TEX30: variants seen among roughly 807,000 people sequenced by gnomAD.
TEX30 encodes the protein testis-expressed protein 30.
In TEX30, 14 loss-of-function variants were observed where a neutral mutation model predicts 23.8. The observed-to-expected ratio is 0.59, with a 90% CI of 0.39 to 0.92. The LOEUF (loss-of-function observed/expected upper bound fraction) is 0.92. TEX30 is among the 40% of genes least tolerant of loss of function. The pLI is 0.00. For synonymous variants in TEX30, 78 were observed against 90.2 expected (o/e 0.87, Z 0.76); for missense variants, 246 against 270.6 (o/e 0.91, Z 0.64).
At chr13:102,773,607 C>G (rs1877486651) in intron 1 of TEX30, 75 bp downstream of exon 1, 1 of 152,090 alleles carries the variant, frequency 6.6e-6, no homozygotes, top group African/African-American at 2.4e-5. Context: ...CTCAGGCGGG[C>G]CTGCCGGGTG....
In TEX30 at chr13:102,767,452, CA is replaced by C; in HGVS notation, c.324del (p.Ala109LeufsTer3). On this transcript the variant is annotated frameshift_variant, in exon 5 of 6. Coordinates refer to ENST00000376032, the MANE Select transcript of TEX30 (RefSeq NM_138779.5). LOFTEE classifies it high-confidence loss of function. ...LGGRSMGSRA[A>X]ASVMCHIEPD... The stretch of plus-strand genomic sequence containing the variant: ...GGCTCAATGTGACACATTACAGAAG[CA>C]GCTGCTCTTGAGCCCATTGAACGAC... The C allele has an allele frequency of 1.2e-6, 2 of 1,614,150 alleles. No homozygotes were observed. The highest frequency in any genetic ancestry group is 1.7e-6 in the Non-Finnish European group (2 of 1,180,022).
intron 4 of TEX30, among the ~76,000 whole-genome samples, chr13:102,767,847 A>G (rs1267898737): frequency 1.3e-5 from 2 of 152,180 alleles, no homozygotes; most frequent in Non-Finnish European, 2.9e-5. Flanking sequence ...CCAGAGGTGG[A>G]GGCTGCAGTG....
chr13:102,768,224 A>G, intron 4 of TEX30, 36 bp downstream of exon 4: 1 of 1,516,494 alleles, frequency 6.6e-7, no homozygotes, highest in Non-Finnish European at 9.0e-7. Flanking sequence ...ATATTAAAAC[A>G]GGTAATTAAC....
intron 3 of TEX30, 101 bp downstream of exon 3, chr13:102,769,210 A>AT (rs1178126573): frequency 3.3e-5 from 30 of 913,706 alleles, no homozygotes; most frequent in African/African-American, 1.1e-4. Flanking sequence ...TCATTCAAAG[A>AT]TTTTTTAAAT....
chr13:102,773,385 T>C (rs1050671286), intron 1 of TEX30: 1 of 152,008 alleles, frequency 6.6e-6, no homozygotes, highest in African/African-American at 2.4e-5. Context: ...ACTCCGAGGC[T>C]ACTTCGAGCC....
intron 1 of TEX30, among the ~76,000 whole-genome samples, chr13:102,772,911 G>A (rs1028629397): frequency 6.6e-6 from 1 of 152,264 alleles, no homozygotes; most frequent in Non-Finnish European, 1.5e-5. Context: ...AGAGAGGGCA[G>A]GGTTTGAAGC....
chr13:102,767,541 G>A lies in TEX30; in HGVS notation c.299-63C>T, dbSNP rs1876992777. The A allele has an allele frequency of 4.0e-6, 6 of 1,518,696 alleles. No individual in the cohort carries two copies. In the South Asian group the frequency reaches 5.9e-5, roughly 15 times the overall value. 94.1% of individuals were successfully genotyped at this position (1,518,696 alleles called of 1,614,324 possible). A position where few individuals can be genotyped will look rare whatever the true frequency, so the allele number is the denominator to read the frequency against. On this transcript the variant is annotated intron_variant, in intron 4 of 5. Transcript: ENST00000376032. ...AACTTTCACATAAAGTAGCAGTGAT[G>A]GTGTGGCAAATTGGATCTTTTACTG...
intron 4 of TEX30, among the ~76,000 whole-genome samples, chr13:102,768,002 T>C (rs879873981): frequency 7.9e-5 from 12 of 152,082 alleles, no homozygotes; most frequent in Admixed American, 7.9e-4. Context: ...AGGACAATCA[T>C]TGTAAAGGAA....
Position 102,766,411 on chromosome 13 carries a change from T to C in TEX30, c.674A>G (p.Lys225Arg). 1 of 1,613,530 alleles carries C rather than the reference T, an allele frequency of 6.2e-7. No individual in the cohort carries two copies. ...TAACATGGCTTTTAACTAATGACATTTCTTGTCCATTTCAGTAATTTCTTG... is the reference window on the plus strand; with the variant it reads ...TAACATGGCTTTTAACTAATGACATCTCTTGTCCATTTCAGTAATTTCTTG... ...WIQEITEMDK[K>R]CH is the part of the protein sequence containing the mutation. Residue 225 changes from lysine (K) to arginine (R), a missense_variant, in exon 6 of 6, where the codon AAA becomes AGA. Physicochemically the swap from Lys to Arg is conservative, Grantham distance 26. Transcript: ENST00000376032.
In TEX30 at chr13:102,770,047, CTT is replaced by C; in HGVS notation, c.-23_-22del. ...CTCATTTTCACTGTTGAATAACAAA[CTT>C]AAAGTGCATTTACATCTGAGAAGCA... On this transcript the variant is annotated 5_prime_UTR_variant, in exon 2 of 6. It removes the in-frame stop codon of an upstream open reading frame in the 5' UTR. Coordinates refer to ENST00000376032, the MANE Select transcript of TEX30 (RefSeq NM_138779.5). 7.2e-7 allele frequency: 1 copy of C among 1,386,170 alleles called. No individual in the cohort carries two copies. Among genetic ancestry groups the C allele is most frequent in the South Asian group, 2.0e-5 (1 of 50,888 alleles). 85.9% of individuals were successfully genotyped at this position (1,386,170 alleles called of 1,614,324 possible).
intron 2 of TEX30, 83 bp from the exon 3 acceptor site, chr13:102,769,624 G>A: frequency 3.7e-6 from 3 of 803,522 alleles, no homozygotes; most frequent in Non-Finnish European, 5.9e-6. Flanking sequence ...TGTTTGCTCT[G>A]TGAGGCTCAT....
intron 4 of TEX30, 148 bp from the exon 5 acceptor site, chr13:102,767,626 T>C (rs552391445): frequency 8.1e-6 from 7 of 863,050 alleles, no homozygotes; most frequent in Non-Finnish European, 1.2e-5. Flanking sequence ...CAAGTTGCAA[T>C]ACCAGGCCAG....
chr13:102,766,153 A>G lies in TEX30; in HGVS notation c.*248T>C. 1 of 256,442 alleles carries G rather than the reference A, an allele frequency of 3.9e-6. No homozygotes were observed. Among genetic ancestry groups the G allele is most frequent in the Non-Finnish European group, 7.3e-6 (1 of 137,344 alleles). The allele number at this position is 256,442 out of a possible 1,614,324, so 15.9% of individuals were successfully genotyped here. A position where few individuals can be genotyped will look rare whatever the true frequency, so the allele number is the denominator to read the frequency against. On this transcript the variant is annotated 3_prime_UTR_variant, in exon 6 of 6. Transcript: ENST00000376032. ...GATGTTTAATTTTTTTCAAAACTTA[A>G]CTATACTAATGAAAATAAATTATAT...
At chr13:102,770,920 A>T (rs1453201774) in intron 1 of TEX30, 1 of 152,204 alleles carries the variant, frequency 6.6e-6, no homozygotes. Flanking sequence ...TTAAGACATT[A>T]CCAACATCAG....
Position 102,769,541 on chromosome 13 carries a change from C to G in TEX30, c.16G>C (p.Val6Leu). ...TTTCCAAAAGGTATTTTTAATTTAA[C>G]CTGGAATTCAAGAGAATAAAGGGAT... MSHTE[V>L]KLKIPFGNKL... The change falls in exon 3 of 6, where the codon GTT becomes CTT. Residue 6 changes from valine (V) to leucine (L), a missense_variant and splice_region_variant. By Grantham distance (32) the Val-to-Leu change is conservative. Transcript: ENST00000376032. The G allele has an allele frequency of 6.4e-7, 1 of 1,563,644 alleles. No individual in the cohort carries two copies. Among genetic ancestry groups the G allele is most frequent in the South Asian group, 1.2e-5 (1 of 85,384 alleles).
rs1877485206 is a variant in TEX30, at chr13:102,773,585, A to G, written c.-61+97T>C. Reference sequence around the variant, plus strand: ...ACGCCCCTGAGGAGTGACGCCCGCGAGCCTCAAACGTCTCAGGCGGGCCTG... The same window carrying G: ...ACGCCCCTGAGGAGTGACGCCCGCGGGCCTCAAACGTCTCAGGCGGGCCTG... On this transcript the variant is annotated intron_variant, in intron 1 of 5. Coordinates refer to ENST00000376032, the MANE Select transcript of TEX30 (RefSeq NM_138779.5). 3 of 151,680 alleles carry G rather than the reference A, an allele frequency of 2.0e-5. No homozygotes were observed. The South Asian group carries it at 6.2e-4, about 32-fold the overall frequency. The allele number at this position is 151,680 out of a possible 1,614,324, so 9.4% of individuals were successfully genotyped here. A position where few individuals can be genotyped will look rare whatever the true frequency, so the allele number is the denominator to read the frequency against.
At chr13:102,767,578 T>G (rs1876997585) in intron 4 of TEX30, 100 bp from the exon 5 acceptor site, 2 of 1,240,732 alleles carry the variant, frequency 1.6e-6, no homozygotes, top group African/African-American at 3.0e-5. Context: ...TCATCATATC[T>G]GTTTACCAAC....
chr13:102,766,420 A>G lies in TEX30; in HGVS notation c.665T>C (p.Met222Thr). Residue 222 changes from methionine to threonine, a missense_variant, in exon 6 of 6, where the codon ATG (methionine) becomes ACG (threonine). Transcript: ENST00000376032. ...ILFWIQEITE[M>T]DKKCH is the part of the protein sequence containing the mutation. ...TTTTAACTAATGACATTTCTTGTCC[A>G]TTTCAGTAATTTCTTGGATCCAAAA... 1 of 1,613,640 alleles carries G rather than the reference A, an allele frequency of 6.2e-7. No individual in the cohort carries two copies. Among genetic ancestry groups the G allele is most frequent in the Non-Finnish European group, 8.5e-7 (1 of 1,179,772 alleles).
chr13:102,767,320 CTT>C lies in TEX30; in HGVS notation c.455_456del (p.Lys152ArgfsTer12). On this transcript the variant is annotated frameshift_variant, in exon 5 of 6. Transcript: ENST00000376032. LOFTEE classifies it high-confidence loss of function. ...KLRDEDLFRL[K>X]EPVLFVSGSA... ...GAGCCTGACACAAACAGTACAGGCT[CTT>C]TTAAACGAAAGAGGTCTTCATCTCT... 1 of 1,614,082 alleles carries C rather than the reference CTT, an allele frequency of 6.2e-7. No homozygotes were observed.
Sources: allele counts gnomAD v4.1 joint callset (sites outside exome capture counted in the v4.1 genomes callset), GRCh38; gene constraint gnomAD v4.1.1; transcripts MANE v1.5; gene names NCBI Gene and HGNC (gene_info 2026-07-23, HGNC 2026-07-21).